Variants in FCRL2 observed in about 807,000 individuals in gnomAD.
FCRL2 encodes the protein Fc receptor like 2.
In FCRL2, 48 loss-of-function variants were observed where a neutral mutation model predicts 59.8. That is an observed-to-expected ratio of 0.80 (90% CI 0.64 to 1.02). The LOEUF (loss-of-function observed/expected upper bound fraction) is 1.02. FCRL2 is among the 50% of genes least tolerant of loss of function. The pLI is 0.00. For missense variants in FCRL2, 658 were observed against 597.3 expected (o/e 1.10, Z -1.06); for synonymous variants, 251 against 229.5 (o/e 1.09, Z -0.85).
chr1:157,776,664 C>A (rs1022815570), intron 1 of FCRL2, among the ~76,000 whole-genome samples: 1 of 152,064 alleles, frequency 6.6e-6, no homozygotes, highest in African/African-American at 2.4e-5. Context: ...TCTGCTGAAC[C>A]CAAATCTTAT....
At chr1:157,748,379 C>A (rs1175465192) in intron 10 of FCRL2, among the ~76,000 whole-genome samples, 174 bp downstream of exon 10, 1 of 151,966 alleles carries the variant, frequency 6.6e-6, no homozygotes, top group Non-Finnish European at 1.5e-5. Context: ...GCTGACATTG[C>A]ACCACTGCAC....
At chr1:157,755,041 C>T (rs773210355) in intron 7 of FCRL2, among the ~76,000 whole-genome samples, 2 of 151,680 alleles carry the variant, frequency 1.3e-5, no homozygotes, top group Admixed American at 6.6e-5. Context: ...TTCCAAAATA[C>T]GTTACCAAAC....
chr1:157,746,751 A>G lies in FCRL2; in HGVS notation c.1512T>C (p.Ser504=). 3.7e-6 allele frequency: 6 copies of G among 1,613,992 alleles called. No individual in the cohort carries two copies. The highest frequency in any genetic ancestry group is 5.1e-6 in the Non-Finnish European group (6 of 1,179,858). ...ENKDSQVIYS[S]VKKS is the part of the protein sequence containing the mutation. ...CCTCCAAGTGTTATGATTTCTTCAC[A>G]GAAGAGTAGATGACTTGGGAGTCCT... Residue 504 remains serine (S), a synonymous_variant, in exon 12 of 12, where the codon TCT becomes TCC. Transcript: ENST00000361516.
At position 157,768,604 on chromosome 1, in the gene FCRL2, AC is replaced by A; in HGVS notation, c.692del (p.Gly231ValfsTer35). 2.5e-6 allele frequency: 4 copies of A among 1,614,004 alleles called. No individual in the cohort carries two copies. Among genetic ancestry groups the A allele is most frequent in the Non-Finnish European group, 3.4e-6 (4 of 1,179,998 alleles). The part of the protein sequence containing the change: ...KLILLCSVAG[G>X]TGNVTFSWYR... ...ACCAGGAGAATGTGACATTTCCTGT[AC>A]CCCCAGCCACTGAGCAGAGCAGGAT... On this transcript the variant is annotated frameshift_variant, in exon 5 of 12. Coordinates refer to ENST00000361516, the MANE Select transcript of FCRL2 (RefSeq NM_030764.4). LOFTEE classifies it high-confidence loss of function.
rs761989707 is a variant in FCRL2, at chr1:157,745,807, TA to T, written c.*928del. The stretch of plus-strand genomic sequence containing the variant: ...GTTTATTGCAAATACTCATATTTAC[TA>T]TGTCAAAAATCACATTTTTGCAACT... On this transcript the variant is annotated 3_prime_UTR_variant, in exon 12 of 12. Transcript: ENST00000361516. 6.6e-6 allele frequency: 1 copy of T among 152,250 alleles called. No homozygotes were observed. The highest frequency in any genetic ancestry group is 1.5e-5 in the Non-Finnish European group (1 of 68,042). 9.4% of individuals were successfully genotyped at this position (152,250 alleles called of 1,614,324 possible). A position where few individuals can be genotyped will look rare whatever the true frequency, so the allele number is the denominator to read the frequency against.
chr1:157,752,133 T>C (rs1332082863), intron 7 of FCRL2, among the ~76,000 whole-genome samples: 5 of 152,196 alleles, frequency 3.3e-5, no homozygotes, highest in African/African-American at 9.7e-5. Flanking sequence ...TATGTTTTTG[T>C]TGTTGTTTGC....
chr1:157,768,807 T>G lies in FCRL2; in HGVS notation c.596-106A>C. 3 of 1,103,924 alleles carry G rather than the reference T, an allele frequency of 2.7e-6. No individual in the cohort carries two copies. In the East Asian group the frequency reaches 7.1e-5, roughly 26 times the overall value. The allele number at this position is 1,103,924 out of a possible 1,614,324, so 68.4% of individuals were successfully genotyped here. ...AAAATGTGGGAATGTGGAGATTGTA[T>G]AGATAATCCATTATAAGCATTCCTA... On this transcript the variant is annotated intron_variant, in intron 4 of 11. Transcript: ENST00000361516.
rs1295583089 is a variant in FCRL2, at chr1:157,746,762, T to G, written c.1501A>C (p.Ile501Leu). 5 of 1,614,010 alleles carry G rather than the reference T, an allele frequency of 3.1e-6. No homozygotes were observed. The Admixed American group carries it at 8.3e-5, about 27-fold the overall frequency. Residue 501 changes from isoleucine to leucine, a missense_variant, in exon 12 of 12, where the codon ATC (isoleucine) becomes CTC (leucine). Ile to Leu is a conservative substitution (Grantham distance 5). Coordinates refer to ENST00000361516, the MANE Select transcript of FCRL2 (RefSeq NM_030764.4). ...TATGATTTCTTCACAGAAGAGTAGATGACTTGGGAGTCCTGGGAGAGACAC... is the reference window on the plus strand; with the variant it reads ...TATGATTTCTTCACAGAAGAGTAGAGGACTTGGGAGTCCTGGGAGAGACAC... Reference protein sequence around the residue: ...TLLENKDSQVIYSSVKKS With the variant: ...TLLENKDSQVLYSSVKKS
intron 2 of FCRL2, 145 bp downstream of exon 2, chr1:157,775,630 G>T (rs1650348528): frequency 1.3e-6 from 1 of 748,232 alleles, no homozygotes; most frequent in Non-Finnish European, 2.1e-6. Context: ...GAAACAGGCT[G>T]CGTGACCTCA....
At chr1:157,764,902 C>T (rs898850296) in intron 7 of FCRL2, among the ~76,000 whole-genome samples, 1 of 151,984 alleles carries the variant, frequency 6.6e-6, no homozygotes, top group Non-Finnish European at 1.5e-5. Context: ...TAATGAAGCA[C>T]CTCAAGGAAC....
intron 2 of FCRL2, 50 bp from the exon 3 acceptor site, chr1:157,770,716 G>T (rs1454879350): frequency 1.9e-6 from 3 of 1,603,008 alleles, no homozygotes; most frequent in African/African-American, 1.3e-5. Context: ...AGAGAACCCA[G>T]ACAGACTCCA....
At chr1:157,773,513 C>T (rs957869276) in intron 2 of FCRL2, among the ~76,000 whole-genome samples, 1 of 152,182 alleles carries the variant, frequency 6.6e-6, no homozygotes, top group East Asian at 1.9e-4. Context: ...GTCAAACCCT[C>T]TGAGAGTGAT....
Position 157,768,265 on chromosome 1 carries a change from T to A in FCRL2, c.883+149A>T, listed in dbSNP as rs1415936375. On this transcript the variant is annotated intron_variant, in intron 5 of 11. Transcript: ENST00000361516. Reference sequence around the variant, plus strand: ...TCCACAAAAAGAAACAGGTCAGCAGTCTAACCTGCAAGCGTAACCCATTTT... The same window carrying A: ...TCCACAAAAAGAAACAGGTCAGCAGACTAACCTGCAAGCGTAACCCATTTT... The A allele has an allele frequency of 4.3e-6, 3 of 695,394 alleles. No individual in the cohort carries two copies. In the East Asian group the frequency reaches 8.0e-5, roughly 18 times the overall value. 43.1% of individuals were successfully genotyped at this position (695,394 alleles called of 1,614,324 possible). A position where few individuals can be genotyped will look rare whatever the true frequency, so the allele number is the denominator to read the frequency against.
intron 9 of FCRL2, 44 bp from the exon 10 acceptor site, chr1:157,748,662 G>A (rs775155183): frequency 6.5e-7 from 1 of 1,536,744 alleles, no homozygotes; most frequent in African/African-American, 1.4e-5. Context: ...GTGGCCCAGG[G>A]TTCACACTTC....
At chr1:157,751,063 A>C (rs910729999) in intron 7 of FCRL2, among the ~76,000 whole-genome samples, 1 of 152,216 alleles carries the variant, frequency 6.6e-6, no homozygotes, top group African/African-American at 2.4e-5. Flanking sequence ...CTGAATACGT[A>C]TACAAATATA....
intron 7 of FCRL2, among the ~76,000 whole-genome samples, chr1:157,764,061 G>A (rs1420177755): frequency 2.7e-5 from 4 of 147,340 alleles, no homozygotes; most frequent in Non-Finnish European, 5.9e-5. Flanking sequence ...AAAAATAGCC[G>A]GGTGTGGTGG....
At position 157,748,376 on chromosome 1, in the gene FCRL2, T is replaced by C. The variant is rs186690452; in HGVS notation, c.1459+177A>G. 2.0e-5 allele frequency among the ~76,000 whole-genome samples: 3 copies of C among 152,120 alleles called. No homozygotes were observed. In the East Asian group the frequency reaches 5.8e-4, roughly 29 times the overall value. ...AGGCAGAGATTGCAGTGAGCTGACA[T>C]TGCACCACTGCACTCCAGCCTGGGC... On this transcript the variant is annotated intron_variant, in intron 10 of 11. Coordinates refer to ENST00000361516, the MANE Select transcript of FCRL2 (RefSeq NM_030764.4).
rs995578543 is a variant in FCRL2, at chr1:157,766,854, C to T, written c.1279+1G>A. The T allele has an allele frequency of 1.1e-5, 17 of 1,614,042 alleles. No homozygotes were observed. The highest frequency in any genetic ancestry group is 1.3e-5 in the Non-Finnish European group (15 of 1,179,990). ...TGGAGAATCCAAATGGTAGATACAA[C>T]CTGATATCTTGTGGAACAAGGCATA... is the stretch of plus-strand genomic sequence containing the variant. On this transcript the variant is annotated splice_donor_variant, in intron 7 of 11. Transcript: ENST00000361516. LOFTEE classifies it high-confidence loss of function.
intron 10 of FCRL2, among the ~76,000 whole-genome samples, chr1:157,748,018 C>T (rs1647881938): frequency 6.6e-6 from 1 of 152,060 alleles, no homozygotes; most frequent in Non-Finnish European, 1.5e-5. Context: ...GACCATCACC[C>T]TATTTTTTTT....
Sources: gnomAD v4.1 joint callset for allele counts (sites outside exome capture counted in the v4.1 genomes callset) on GRCh38, gnomAD v4.1.1 for gene constraint, MANE v1.5 for transcripts, NCBI Gene and HGNC (gene_info 2026-07-23, HGNC 2026-07-21) for gene names.